The following N4BP2 variants were observed in gnomAD, a reference collection of about 807,000 sequenced individuals.
N4BP2 encodes the protein NEDD4-binding protein 2.
In N4BP2, 91 loss-of-function variants were observed where a neutral mutation model predicts 152.8. The observed-to-expected ratio is 0.60, with a 90% confidence interval of 0.50 to 0.71. The LOEUF is 0.71. N4BP2 is among the 30% of genes least tolerant of loss of function. N4BP2 has a pLI of 0.00. For missense variants in N4BP2, 1,923 were observed against 2,059.1 expected (o/e 0.93, Z 1.28); for synonymous variants, 646 against 705.3 (o/e 0.92, Z 1.33).
At chr4:40,084,787 G>A (rs984793603) in intron 2 of N4BP2, among the ~76,000 whole-genome samples, 5 of 150,730 alleles carry the variant, frequency 3.3e-5, no homozygotes, top group African/African-American at 9.7e-5. Flanking sequence ...AGCTAATTTT[G>A]TATTTTTGGT....
At chr4:40,152,939 G>A (rs1257394052) in intron 17 of N4BP2, 36 bp downstream of exon 17, 1 of 1,603,402 alleles carries the variant, frequency 6.2e-7, no homozygotes, top group Non-Finnish European at 8.5e-7. Flanking sequence ...AATGGCAACT[G>A]CCCATATAGA....
intron 2 of N4BP2, among the ~76,000 whole-genome samples, chr4:40,090,952 A>AAAAAAAAAAGTTGT (rs368159426): frequency 2.0e-5 from 2 of 100,060 alleles, no homozygotes; most frequent in Non-Finnish European, 1.8e-5. Flanking sequence ...AAAAAAAAAA[A>AAAAAAAAAAGTTGT]AGTTTATAAG....
At chr4:40,149,705 T>C (rs1720960743) in intron 16 of N4BP2, among the ~76,000 whole-genome samples, 1 of 151,728 alleles carries the variant, frequency 6.6e-6, no homozygotes, top group African/African-American at 2.4e-5. Context: ...CCATCCTGGC[T>C]AACACAGTGA....
At chr4:40,160,147 G>A (rs540522191), downstream of N4BP2, among the ~76,000 whole-genome samples, 1 of 152,272 alleles carries the variant, frequency 6.6e-6, no homozygotes, top group East Asian at 1.9e-4. Flanking sequence ...GAGGATTGCT[G>A]TATATGATCC....
At chr4:40,167,987 G>T in the N4BP2 span, among the ~76,000 whole-genome samples, 1 of 151,770 alleles carries the variant, frequency 6.6e-6, no homozygotes, top group Non-Finnish European at 1.5e-5. Context: ...AGAGTAACTT[G>T]GTGGGGAAAT....
intron 14 of N4BP2, among the ~76,000 whole-genome samples, chr4:40,139,779 C>T (rs1719737665): frequency 6.9e-6 from 1 of 145,586 alleles, no homozygotes; most frequent in South Asian, 2.2e-4. Context: ...GCGTGAGCCA[C>T]TGCGCCAGGC....
chr4:40,135,708 G>T (rs1209896031), intron 13 of N4BP2, among the ~76,000 whole-genome samples: 1 of 152,188 alleles, frequency 6.6e-6, no homozygotes, highest in Middle Eastern at 3.4e-3. Context: ...GATTACAGGC[G>T]CCCGCCACCA....
chr4:40,161,255 A>G (rs935318318), downstream of N4BP2, among the ~76,000 whole-genome samples: 1 of 152,250 alleles, frequency 6.6e-6, no homozygotes, highest in African/African-American at 2.4e-5. Context: ...ATCTTGGAGA[A>G]TTAGATCTGA....
At chr4:40,116,698 C>T (rs1293753602) in intron 7 of N4BP2, among the ~76,000 whole-genome samples, 1 of 152,014 alleles carries the variant, frequency 6.6e-6, no homozygotes, top group Non-Finnish European at 1.5e-5. Flanking sequence ...CATCATATAC[C>T]TTTCATCTGG....
chr4:40,103,347 A>G, intron 4 of N4BP2, 129 bp downstream of exon 4: 3 of 731,186 alleles, frequency 4.1e-6, no homozygotes, highest in Non-Finnish European at 6.5e-6. Context: ...TCTTTTTACT[A>G]AGGTTTCCTA....
the N4BP2 span, among the ~76,000 whole-genome samples, chr4:40,165,464 G>T: frequency 9.1e-3 from 1,389 of 152,246 alleles, 41 homozygotes; most frequent in South Asian, 0.098. Flanking sequence ...GGCCAGGCTG[G>T]TCTTGAACTC....
rs776150901 is a variant in N4BP2, at chr4:40,120,092, A to G, written c.1981A>G (p.Arg661Gly). ...AYLSNADLNK[R>G]RKEISDMNPS... ...TCTCTCTAATGCAGATTTAAACAAA[A>G]GAAGAAAAGAAATAAGTGATATGAA... The change falls in exon 9 of 18, where the codon AGA becomes GGA. Residue 661 changes from arginine (R) to glycine (G), a missense_variant. Physicochemically the swap from Arg to Gly is moderately radical, Grantham distance 125 (BLOSUM62 -2). Coordinates refer to ENST00000261435, the MANE Select transcript of N4BP2 (RefSeq NM_018177.6). 1.2e-6 allele frequency: 2 copies of G among 1,612,094 alleles called. No homozygotes were observed. Among genetic ancestry groups the G allele is most frequent in the Non-Finnish European group, 1.7e-6 (2 of 1,179,308 alleles).
chr4:40,106,749 ATGTTGGCCAGGCTGG>A (rs1289972418), intron 4 of N4BP2, 136 bp from the exon 5 acceptor site: 1 of 631,474 alleles, frequency 1.6e-6, no homozygotes, highest in Non-Finnish European at 2.7e-6. Context: ...GGATTTCACC[ATGTTGGCCAGGCTGG>A]CCTTGAACTC....
At chr4:40,149,333 A>G (rs919918677) in intron 16 of N4BP2, among the ~76,000 whole-genome samples, 15 of 152,354 alleles carry the variant, frequency 9.8e-5, no homozygotes, top group Admixed American at 9.2e-4. Flanking sequence ...ATAAAAAGCC[A>G]TATGTTGTAT....
intron 2 of N4BP2, among the ~76,000 whole-genome samples, chr4:40,090,240 T>A (rs554119118): frequency 6.6e-6 from 1 of 152,352 alleles, no homozygotes; most frequent in South Asian, 2.1e-4. Context: ...TTGTTCTTTT[T>A]CAAAGCTATT....
At chr4:40,139,574 C>T (rs1346743824) in intron 14 of N4BP2, among the ~76,000 whole-genome samples, 1 of 150,806 alleles carries the variant, frequency 6.6e-6, no homozygotes, top group African/African-American at 2.4e-5. Context: ...TCACTGCAAC[C>T]TGTGCCCTCT....
At chr4:40,101,876 C>T (rs1715686521) in intron 3 of N4BP2, among the ~76,000 whole-genome samples, 199 bp from the exon 4 acceptor site, 1 of 152,080 alleles carries the variant, frequency 6.6e-6, no homozygotes, top group Non-Finnish European at 1.5e-5. Flanking sequence ...TGCATGTCTC[C>T]ATCATTCAGA....
intron 2 of N4BP2, among the ~76,000 whole-genome samples, chr4:40,093,664 T>A (rs1002205371): frequency 3.3e-5 from 5 of 152,160 alleles, no homozygotes; most frequent in African/African-American, 1.2e-4. Flanking sequence ...TCGCCCAGGC[T>A]GGAGTGCAAT....
At chr4:40,076,847 T>G (rs931093667) in intron 2 of N4BP2, among the ~76,000 whole-genome samples, 27 of 152,180 alleles carry the variant, frequency 1.8e-4, no homozygotes, top group Admixed American at 3.9e-4. Flanking sequence ...GCATCTACCT[T>G]TTTCTTATCA....
Sources: allele counts gnomAD v4.1 joint callset (sites outside exome capture counted in the v4.1 genomes callset), GRCh38; gene constraint gnomAD v4.1.1; transcripts MANE v1.5; gene names NCBI Gene and HGNC (gene_info 2026-07-23, HGNC 2026-07-21).